CEP78: variants seen among roughly 807,000 people sequenced by gnomAD.
The protein encoded by CEP78 is centrosomal protein of 78 kDa.
A neutral mutation model predicts 81.2 loss-of-function variants in CEP78; 76 were observed. That is an observed-to-expected ratio of 0.94 (90% confidence interval 0.78 to 1.13). The LOEUF (loss-of-function observed/expected upper bound fraction) is 1.13, where lower values mean the gene tolerates loss of function less well. CEP78 is among the 50% of genes most tolerant of loss of function. The pLI is 0.00. For synonymous variants in CEP78, 293 were observed against 301.4 expected (o/e 0.97, Z 0.29); for missense variants, 918 against 846.8 (o/e 1.08, Z -1.04).
intron 16 of CEP78, among the ~76,000 whole-genome samples, chr9:78,268,947 T>C (rs1431363908): frequency 1.3e-5 from 2 of 152,150 alleles, no homozygotes; most frequent in African/African-American, 4.8e-5. Flanking sequence ...TGAGCTACCA[T>C]GCCTGGCCGC....
chr9:78,263,315 G>T (rs1436593872), intron 12 of CEP78, among the ~76,000 whole-genome samples: 2 of 152,076 alleles, frequency 1.3e-5, no homozygotes, highest in Non-Finnish European at 1.5e-5. Context: ...AAAAGATGGG[G>T]ATGAGACTAT....
rs1479329690 is a variant in CEP78, at chr9:78,248,319, A to G, written c.921A>G (p.Lys307=). Residue 307 remains lysine, a synonymous_variant, in exon 7 of 17, where the codon AAA becomes AAG. Transcript: ENST00000643273. Reference sequence around the variant, plus strand: ...ATTCTATGATGAAAGCAGTTATCAAAAAAGTCCTCCAGAATGGAAGGAGTG... The same window carrying G: ...ATTCTATGATGAAAGCAGTTATCAAGAAAGTCCTCCAGAATGGAAGGAGTG... The part of the protein sequence containing the change: ...IDHSMMKAVI[K]KVLQNGRSAK... 6.3e-7 allele frequency: 1 copy of G among 1,582,000 alleles called. No homozygotes were observed. The highest frequency in any genetic ancestry group is 1.7e-5 in the Admixed American group (1 of 59,966).
rs542014042 is a variant in CEP78, at chr9:78,276,924, T to C, written c.*6073T>C. 50 of 152,148 alleles carry C rather than the reference T, an allele frequency of 3.3e-4. No individual in the cohort carries two copies. Among genetic ancestry groups the C allele is most frequent in the Non-Finnish European group, 6.0e-4 (41 of 68,010 alleles). 9.4% of individuals were successfully genotyped at this position (152,148 alleles called of 1,614,324 possible). Reference sequence around the variant, plus strand: ...GATTATAACATTAATCTGAAAGTCATCAGGCATAAAGCAATTTTGATTACA... The same window carrying C: ...GATTATAACATTAATCTGAAAGTCACCAGGCATAAAGCAATTTTGATTACA... On this transcript the variant is annotated 3_prime_UTR_variant, in exon 17 of 17. Transcript: ENST00000643273.
At chr9:78,243,040 A>C (rs1287990340) in intron 4 of CEP78, among the ~76,000 whole-genome samples, 1 of 152,188 alleles carries the variant, frequency 6.6e-6, no homozygotes, top group African/African-American at 2.4e-5. Context: ...TTTATTAATA[A>C]ATAACTTACA....
Position 78,268,332 on chromosome 9 carries a change from G to A in CEP78, c.2107+1629G>A, listed in dbSNP as rs74609099. Among the ~76,000 whole-genome samples, 834 of 152,290 alleles carry A rather than the reference G, an allele frequency of 5.5e-3. 21 individuals are homozygous for A. Among genetic ancestry groups the A allele is most frequent in the East Asian group, 0.021 (108 of 5,176 alleles). Reference sequence around the variant, plus strand: ...TGAGGAACCACAAACACAAGTAGTTGAGAGTTACCGAAATGTCATCAGGCA... The same window carrying A: ...TGAGGAACCACAAACACAAGTAGTTAAGAGTTACCGAAATGTCATCAGGCA... On this transcript the variant is annotated intron_variant, in intron 16 of 16. Transcript: ENST00000643273.
chr9:78,266,558 T>TG lies in CEP78; in HGVS notation c.1963dup (p.Glu655GlyfsTer8). 2.5e-6 allele frequency: 4 copies of TG among 1,613,984 alleles called. No individual in the cohort carries two copies. Among genetic ancestry groups the TG allele is most frequent in the Non-Finnish European group, 2.5e-6 (3 of 1,179,876 alleles). ...GCAACAACCTAGGAGTCCCAGCTACTGAGCAGCGGCAGGAGTCTTTTGAAG... is the reference window on the plus strand; with the variant it reads ...GCAACAACCTAGGAGTCCCAGCTACTGGAGCAGCGGCAGGAGTCTTTTGAAG... On this transcript the variant is annotated frameshift_variant, in exon 16 of 17. Transcript: ENST00000643273. LOFTEE classifies it high-confidence loss of function.
chr9:78,243,779 A>G, intron 5 of CEP78, 143 bp downstream of exon 5: 2 of 557,730 alleles, frequency 3.6e-6, no homozygotes, highest in South Asian at 3.6e-5. Flanking sequence ...TTAAGCCTTT[A>G]TAAAAGTTAT....
At position 78,272,244 on chromosome 9, in the gene CEP78, T is replaced by G. The variant is rs2118534283; in HGVS notation, c.*1393T>G. 6.6e-6 allele frequency: 1 copy of G among 152,518 alleles called. No individual in the cohort carries two copies. The highest frequency in any genetic ancestry group is 1.9e-4 in the East Asian group (1 of 5,188). 9.4% of individuals were successfully genotyped at this position (152,518 alleles called of 1,614,324 possible). A position where few individuals can be genotyped will look rare whatever the true frequency, so the allele number is the denominator to read the frequency against. Reference sequence around the variant, plus strand: ...AGATGGGTTCTTTCTTAGGCTGGTCTTGAACTCCTGGCCTCAAATGATCCT... The same window carrying G: ...AGATGGGTTCTTTCTTAGGCTGGTCGTGAACTCCTGGCCTCAAATGATCCT... On this transcript the variant is annotated 3_prime_UTR_variant, in exon 17 of 17. Transcript: ENST00000643273.
intron 4 of CEP78, among the ~76,000 whole-genome samples, chr9:78,242,436 C>G (rs569386561): frequency 3.3e-5 from 5 of 152,298 alleles, no homozygotes; most frequent in African/African-American, 1.2e-4. Context: ...AACCCGAGCT[C>G]TCTCCCATTT....
Position 78,266,646 on chromosome 9 carries a change from A to G in CEP78, c.2050A>G (p.Lys684Glu), listed in dbSNP as rs373862621. The G allele has an allele frequency of 1.9e-6, 3 of 1,612,468 alleles. No homozygotes were observed. Among genetic ancestry groups the G allele is most frequent in the African/African-American group, 2.7e-5 (2 of 74,908 alleles). Reference sequence around the variant, plus strand: ...GACTTCTGGAACTGGAAGTCAAAGAAAAGAAGAGGAGTTGTCCAGAAATAG... The same window carrying G: ...GACTTCTGGAACTGGAAGTCAAAGAGAAGAAGAGGAGTTGTCCAGAAATAG... ...DATSGTGSQR[K>E]EEELSRNSRS... Residue 684 changes from lysine (K) to glutamate (E), a missense_variant, in exon 16 of 17, where the codon AAA becomes GAA. Lys to Glu is a moderately conservative substitution (Grantham distance 56). Transcript: ENST00000643273.
At chr9:78,260,658 G>C (rs989093843) in intron 11 of CEP78, among the ~76,000 whole-genome samples, 1 of 141,096 alleles carries the variant, frequency 7.1e-6, no homozygotes, top group East Asian at 2.2e-4. Context: ...AGTGAGCCGA[G>C]ATCAGGCCAC....
intron 7 of CEP78, 62 bp downstream of exon 7, chr9:78,248,417 C>A: frequency 9.3e-7 from 1 of 1,072,228 alleles, no homozygotes; most frequent in South Asian, 1.3e-5. Flanking sequence ...TCTGGGATCT[C>A]ACTGTACTGC....
chr9:78,270,608 T>C (rs80089597), intron 16 of CEP78, among the ~76,000 whole-genome samples: 2,168 of 152,272 alleles, frequency 0.014, 61 homozygotes, highest in African/African-American at 0.05. Context: ...TCACACATAA[T>C]TACTAGTGGT....
Position 78,236,309 on chromosome 9 carries a change from G to A in CEP78, c.-42G>A. 6.6e-7 allele frequency: 1 copy of A among 1,521,366 alleles called. No homozygotes were observed. The highest frequency in any genetic ancestry group is 8.8e-7 in the Non-Finnish European group (1 of 1,135,116). 94.2% of individuals were successfully genotyped at this position (1,521,366 alleles called of 1,614,324 possible). ...TCAGCGTTCTTGGGTGGGCGCGGGC[G>A]GCGTCTCCGCGGCGGGCATCCCCCG... On this transcript the variant is annotated 5_prime_UTR_variant, in exon 1 of 17. Coordinates refer to ENST00000643273, the MANE Select transcript of CEP78 (RefSeq NM_001330691.3).
rs1187057367 is a variant in CEP78 at position 78,265,816 on chromosome 9, T to G, written c.1798-43T>G. On this transcript the variant is annotated intron_variant, in intron 14 of 16. Transcript: ENST00000643273. The stretch of plus-strand genomic sequence containing the variant: ...GAAAGATTAGAGAAATGATTTTCAA[T>G]TTTCAATTTTATAAATGTCTATTCT... 9.9e-6 allele frequency: 10 copies of G among 1,008,222 alleles called. 1 individual carries two copies. In the African/African-American group the frequency reaches 1.4e-4, roughly 15 times the overall value. 62.5% of individuals were successfully genotyped at this position (1,008,222 alleles called of 1,614,324 possible). A position where few individuals can be genotyped will look rare whatever the true frequency, so the allele number is the denominator to read the frequency against.
chr9:78,265,484 C>G lies in CEP78; in HGVS notation c.1738C>G (p.Leu580Val). Residue 580 changes from leucine to valine, a missense_variant, in exon 14 of 17, where the codon CTT becomes GTT. Leu to Val is a conservative substitution (Grantham distance 32). Coordinates refer to ENST00000643273, the MANE Select transcript of CEP78 (RefSeq NM_001330691.3). ...SNPPKEEKKA[L>V]EDEKPEPKQN... ...TCCACCTAAAGAAGAAAAGAAGGCG[C>G]TTGAAGATGAAAAACCAGAACCGAA... 1 of 1,588,936 alleles carries G rather than the reference C, an allele frequency of 6.3e-7. No homozygotes were observed. The highest frequency in any genetic ancestry group is 8.6e-7 in the Non-Finnish European group (1 of 1,167,054).
chr9:78,270,143 G>T (rs1366925821), intron 16 of CEP78, among the ~76,000 whole-genome samples: 2 of 152,056 alleles, frequency 1.3e-5, no homozygotes, highest in African/African-American at 4.8e-5. Context: ...TGGGAAGTGT[G>T]GACAGAGACA....
At chr9:78,254,290 A>G (rs2118332998) in intron 10 of CEP78, among the ~76,000 whole-genome samples, 1 of 152,156 alleles carries the variant, frequency 6.6e-6, no homozygotes, top group Admixed American at 6.5e-5. Flanking sequence ...CTGGTCTCGA[A>G]CTTCTGACCT....
chr9:78,273,583 A>C lies in CEP78; in HGVS notation c.*2732A>C, dbSNP rs1827741758. 6.6e-6 allele frequency: 1 copy of C among 151,546 alleles called. No individual in the cohort carries two copies. Among genetic ancestry groups the C allele is most frequent in the African/African-American group, 2.4e-5 (1 of 41,292 alleles). 9.4% of individuals were successfully genotyped at this position (151,546 alleles called of 1,614,324 possible). A position where few individuals can be genotyped will look rare whatever the true frequency, so the allele number is the denominator to read the frequency against. ...ACTCCGTCTCTACTAAAAATACAAA[A>C]AAAAAAAAAAAAAATTAGCTGGGTG... is the stretch of plus-strand genomic sequence containing the variant. On this transcript the variant is annotated 3_prime_UTR_variant, in exon 17 of 17. Transcript: ENST00000643273.
Sources: gnomAD v4.1 joint callset for allele counts (sites outside exome capture counted in the v4.1 genomes callset) on GRCh38, gnomAD v4.1.1 for gene constraint, MANE v1.5 for transcripts, NCBI Gene and HGNC (gene_info 2026-07-23, HGNC 2026-07-21) for gene names.